MDGA2: variants seen among roughly 807,000 people sequenced by gnomAD.
MDGA2 encodes MAM domain containing glycosylphosphatidylinositol anchor 2, also known as MAM domain-containing glycosylphosphatidylinositol anchor protein 2.
MDGA2 carries 40 observed loss-of-function variants against 117.8 expected under a neutral mutation model. That is an observed-to-expected ratio of 0.34 (90% CI 0.26 to 0.44). The LOEUF is 0.44. Among genes scored for constraint, MDGA2 ranks in the 20% least tolerant of loss-of-function variants. MDGA2 has a pLI of 1.00. For synonymous variants in MDGA2, 452 were observed against 439.0 expected (o/e 1.03, Z -0.37); for missense variants, 1,123 against 1,250.6 (o/e 0.90, Z 1.54).
At chr14:47,024,126 T>C (rs1888388213) in intron 8 of MDGA2, among the ~76,000 whole-genome samples, 3 of 152,194 alleles carry the variant, frequency 2.0e-5, no homozygotes, top group East Asian at 1.9e-4. Flanking sequence ...TAGATAGGGA[T>C]ACATCACTGC....
chr14:47,218,283 T>A, intron 2 of MDGA2, 88 bp from the exon 3 acceptor site: 1 of 1,124,000 alleles, frequency 8.9e-7, no homozygotes, highest in South Asian at 1.9e-5. Context: ...AGAGTTTGCA[T>A]TTAGAGCTGC....
chr14:47,282,050 G>GGAAAA (rs1566718348), intron 2 of MDGA2, among the ~76,000 whole-genome samples: 1 of 124,222 alleles, frequency 8.1e-6, no homozygotes, highest in South Asian at 2.8e-4. Context: ...TCCGTCTCGG[G>GGAAAA]AAAAAAAAAA....
chr14:47,664,356 T>C (rs569428643), intron 1 of MDGA2, among the ~76,000 whole-genome samples: 1 of 152,306 alleles, frequency 6.6e-6, no homozygotes, highest in Non-Finnish European at 1.5e-5. Flanking sequence ...GATAGTCCTA[T>C]TATGAGGTTC....
intron 1 of MDGA2, among the ~76,000 whole-genome samples, chr14:47,332,325 C>A (rs1447527660): frequency 6.6e-6 from 1 of 152,028 alleles, no homozygotes; most frequent in Non-Finnish European, 1.5e-5. Context: ...TTACTCCAGT[C>A]ACTTTTGGCA....
At chr14:47,377,693 G>A (rs986735181) in intron 1 of MDGA2, among the ~76,000 whole-genome samples, 4 of 152,156 alleles carry the variant, frequency 2.6e-5, no homozygotes, top group Admixed American at 6.5e-5. Flanking sequence ...TGAGGCTTGA[G>A]TAGGTAAACA....
rs535711623 is a variant in MDGA2 at position 47,467,794 on chromosome 14, T to TA, written c.281-166245dup. Among the ~76,000 whole-genome samples, 437 of 152,310 alleles carry TA rather than the reference T, an allele frequency of 2.9e-3. 1 individual carries two copies. The highest frequency in any genetic ancestry group is 1.0e-2 in the African/African-American group (414 of 41,580). On this transcript the variant is annotated intron_variant, in intron 1 of 16. Coordinates refer to ENST00000399232, the MANE Select transcript of MDGA2 (RefSeq NM_001113498.3). ...GAGCCTAGTGCATTTTTGATGCCAA[T>TA]ATATCATTTTGTATTATTTAATATT...
chr14:47,203,044 A>G (rs536993606), intron 3 of MDGA2, among the ~76,000 whole-genome samples: 1 of 152,028 alleles, frequency 6.6e-6, no homozygotes, highest in East Asian at 1.9e-4. Context: ...TGGTCTTAAC[A>G]TATACCTAGA....
intron 1 of MDGA2, among the ~76,000 whole-genome samples, chr14:47,309,087 G>A (rs1425918677): frequency 2.0e-5 from 3 of 151,998 alleles, no homozygotes; most frequent in Non-Finnish European, 4.4e-5. Context: ...TAAGCTAAAT[G>A]TTCAACTTGT....
chr14:46,986,368 A>G (rs1886858935), intron 8 of MDGA2, among the ~76,000 whole-genome samples: 1 of 152,052 alleles, frequency 6.6e-6, no homozygotes, highest in South Asian at 2.1e-4. Flanking sequence ...TTCTGAGGTA[A>G]AGCTACTCCC....
chr14:46,866,018 C>T (rs1444790633), intron 14 of MDGA2, among the ~76,000 whole-genome samples: 1 of 151,504 alleles, frequency 6.6e-6, no homozygotes, highest in Non-Finnish European at 1.5e-5. Flanking sequence ...CAATGACTTT[C>T]TTCACAGAAT....
chr14:47,619,574 G>A (rs1043089819), intron 1 of MDGA2, among the ~76,000 whole-genome samples: 1 of 152,092 alleles, frequency 6.6e-6, no homozygotes, highest in Admixed American at 6.5e-5. Flanking sequence ...TCCAGCTTTC[G>A]GATGGCAAAC....
At chr14:47,177,655 T>C (rs1404128759) in intron 3 of MDGA2, among the ~76,000 whole-genome samples, 4 of 152,108 alleles carry the variant, frequency 2.6e-5, no homozygotes, top group South Asian at 2.1e-4. Context: ...TGTTGTGGCA[T>C]GAGGGCAGTG....
At chr14:47,524,409 T>C (rs777774796) in intron 1 of MDGA2, among the ~76,000 whole-genome samples, 2 of 152,100 alleles carry the variant, frequency 1.3e-5, no homozygotes, top group Non-Finnish European at 2.9e-5. Context: ...AAACAGAAAG[T>C]AGAGATCATT....
intron 1 of MDGA2, among the ~76,000 whole-genome samples, chr14:47,664,213 A>G (rs769604660): frequency 2.1e-4 from 32 of 152,114 alleles, no homozygotes; most frequent in Non-Finnish European, 3.8e-4. Flanking sequence ...TATTTATAAT[A>G]CTTAAAGTGT....
intron 9 of MDGA2, among the ~76,000 whole-genome samples, chr14:46,925,950 T>G (rs1884317019): frequency 6.6e-6 from 1 of 152,202 alleles, no homozygotes; most frequent in African/African-American, 2.4e-5. Context: ...TAGGATATGG[T>G]ACTGTTATAA....
intron 1 of MDGA2, among the ~76,000 whole-genome samples, chr14:47,344,484 CA>C (rs1890719756): frequency 6.6e-6 from 1 of 152,086 alleles, no homozygotes; most frequent in South Asian, 2.1e-4. Flanking sequence ...AAATTTTTTA[CA>C]AGATGTATGA....
At chr14:47,663,640 A>C (rs1035572946) in intron 1 of MDGA2, among the ~76,000 whole-genome samples, 1 of 152,216 alleles carries the variant, frequency 6.6e-6, no homozygotes, top group Admixed American at 6.5e-5. Context: ...TAATTTAAAA[A>C]TGTTTTAAAT....
In MDGA2 at chr14:47,198,446, C is replaced by A. The variant is rs148524272; in HGVS notation, c.595+19575G>T. Among the ~76,000 whole-genome samples, 796 of 152,206 alleles carry A rather than the reference C, an allele frequency of 5.2e-3. 10 individuals are homozygous for A. Among genetic ancestry groups the A allele is most frequent in the African/African-American group, 0.018 (758 of 41,522 alleles). ...AATTAACCGGGCTTGGTGGCAGGCACCTGTAGTCCCAGCTACTCGGGAGGC... is the reference window on the plus strand; with the variant it reads ...AATTAACCGGGCTTGGTGGCAGGCAACTGTAGTCCCAGCTACTCGGGAGGC... On this transcript the variant is annotated intron_variant, in intron 3 of 16. Coordinates refer to ENST00000399232, the MANE Select transcript of MDGA2 (RefSeq NM_001113498.3).
intron 2 of MDGA2, among the ~76,000 whole-genome samples, chr14:47,274,033 T>C (rs947697963): frequency 9.9e-5 from 15 of 152,096 alleles, no homozygotes; most frequent in Non-Finnish European, 1.9e-4. Context: ...AGGGCTTTTA[T>C]TTTTTTAACG....
Sources: gnomAD v4.1 joint callset for allele counts (sites outside exome capture counted in the v4.1 genomes callset) on GRCh38, gnomAD v4.1.1 for gene constraint, MANE v1.5 for transcripts, NCBI Gene and HGNC (gene_info 2026-07-23, HGNC 2026-07-21) for gene names.